The following ADAM19 variants were observed in gnomAD, a reference collection of about 807,000 sequenced individuals.
ADAM19 encodes ADAM metallopeptidase domain 19.
In ADAM19, 65 loss-of-function variants were observed where a neutral mutation model predicts 114.7. That is an observed-to-expected ratio of 0.57 (90% CI 0.46 to 0.70). The LOEUF (loss-of-function observed/expected upper bound fraction) is 0.70. Among genes scored for constraint, ADAM19 ranks in the 30% least tolerant of loss-of-function variants. ADAM19 has a pLI of 0.00. For synonymous variants in ADAM19, 466 were observed against 460.5 expected (o/e 1.01, Z -0.15); for missense variants, 1,063 against 1,204.7 (o/e 0.88, Z 1.74).
intron 21 of ADAM19, among the ~76,000 whole-genome samples, chr5:157,482,367 G>A (rs1754783059): frequency 6.6e-6 from 1 of 152,178 alleles, no homozygotes; most frequent in Non-Finnish European, 1.5e-5. Flanking sequence ...TGTTCACTCT[G>A]ATGATAGTTT....
chr5:157,554,804 T>C (rs1325111933), intron 3 of ADAM19, among the ~76,000 whole-genome samples: 1 of 152,192 alleles, frequency 6.6e-6, no homozygotes, highest in Non-Finnish European at 1.5e-5. Flanking sequence ...TCCTATGAGG[T>C]TATTATCCCC....
chr5:157,500,014 A>G (rs1755508424), intron 12 of ADAM19, among the ~76,000 whole-genome samples: 1 of 151,740 alleles, frequency 6.6e-6, no homozygotes, highest in African/African-American at 2.4e-5. Context: ...TCTGACCTCA[A>G]GTGATCCACC....
chr5:157,541,440 C>T (rs1756915053), intron 3 of ADAM19, among the ~76,000 whole-genome samples: 1 of 152,180 alleles, frequency 6.6e-6, no homozygotes, highest in Admixed American at 6.5e-5. Context: ...CACGGACAGG[C>T]AGAAATCAGT....
intron 3 of ADAM19, among the ~76,000 whole-genome samples, chr5:157,550,064 G>T (rs1757146835): frequency 6.6e-6 from 1 of 152,172 alleles, no homozygotes; most frequent in South Asian, 2.1e-4. Flanking sequence ...ACATCAGATT[G>T]CCAGCTTCAT....
At chr5:157,549,938 T>C (rs1471555469) in intron 3 of ADAM19, among the ~76,000 whole-genome samples, 1 of 152,212 alleles carries the variant, frequency 6.6e-6, no homozygotes, top group Non-Finnish European at 1.5e-5. Flanking sequence ...TACTGATACA[T>C]ACTACAACAC....
chr5:157,540,256 A>C (rs1756881582), intron 3 of ADAM19, among the ~76,000 whole-genome samples: 2 of 152,196 alleles, frequency 1.3e-5, no homozygotes, highest in African/African-American at 4.8e-5. Flanking sequence ...TCTCCAGTAC[A>C]TCACTTAAGA....
chr5:157,491,373 C>A (rs11466793), intron 18 of ADAM19, among the ~76,000 whole-genome samples: 3,209 of 152,360 alleles, frequency 0.021, 119 homozygotes, highest in African/African-American at 0.072. Flanking sequence ...CTTACTCTCA[C>A]TCTACTAAGC....
intron 13 of ADAM19, among the ~76,000 whole-genome samples, chr5:157,498,769 C>T (rs1755453001): frequency 6.6e-6 from 1 of 150,944 alleles, no homozygotes; most frequent in African/African-American, 2.4e-5. Flanking sequence ...TTACATAACC[C>T]CCCAGCAAGG....
intron 3 of ADAM19, among the ~76,000 whole-genome samples, chr5:157,561,729 C>T (rs1202291085): frequency 6.6e-6 from 1 of 152,106 alleles, no homozygotes; most frequent in East Asian, 1.9e-4. Context: ...CCCATTCTAC[C>T]TCCACACTCC....
rs1052372829 is a variant in ADAM19 at position 157,477,635 on chromosome 5, G to T, written c.*3314C>A. 7.8e-7 allele frequency: 1 copy of T among 1,287,252 alleles called. No homozygotes were observed. The highest frequency in any genetic ancestry group is 1.5e-5 in the African/African-American group (1 of 65,748). The allele number at this position is 1,287,252 out of a possible 1,614,324, so 79.7% of individuals were successfully genotyped here. On this transcript the variant is annotated 3_prime_UTR_variant, in exon 23 of 23. Transcript: ENST00000257527. ...GACCTTTCCAGTTGGCGTTCCCATG[G>T]CTTTCTTGGGTGTCCAGCAGAGCTG...
At chr5:157,570,193 G>A (rs189469051) in intron 2 of ADAM19, among the ~76,000 whole-genome samples, 7 of 152,300 alleles carry the variant, frequency 4.6e-5, no homozygotes, top group African/African-American at 1.7e-4. Context: ...CTGCCAGGCG[G>A]AGCTCACAGT....
In ADAM19 at chr5:157,537,959, T is replaced by A; in HGVS notation, c.284A>T (p.His95Leu). The A allele has an allele frequency of 6.2e-7, 1 of 1,614,114 alleles. No individual in the cohort carries two copies. Among genetic ancestry groups the A allele is most frequent in the South Asian group, 1.1e-5 (1 of 91,080 alleles). The change falls in exon 4 of 23, where the codon CAT (histidine) becomes CTT (leucine). Residue 95 changes from histidine (H) to leucine (L), a missense_variant. His to Leu is a moderately conservative substitution (Grantham distance 99). This residue lies in a region of ADAM19 where 615 missense variants were observed against 706.3 expected (regional missense o/e 0.87). Transcript: ENST00000257527. ...QLFAPSYTET[H>L]YTSSGNPQTT... ...TTGAGGGTTACCACTTGAAGTATAA[T>A]GGGTTTCTGTGTAGGAAGGAGCAAA...
chr5:157,502,252 C>G (rs1167638892), intron 12 of ADAM19, among the ~76,000 whole-genome samples: 1 of 152,194 alleles, frequency 6.6e-6, no homozygotes, highest in Non-Finnish European at 1.5e-5. Context: ...TGACCGGGCT[C>G]TGCCGTGTAC....
chr5:157,524,354 C>T (rs184687129), intron 5 of ADAM19, among the ~76,000 whole-genome samples: 2 of 152,208 alleles, frequency 1.3e-5, no homozygotes, highest in African/African-American at 2.4e-5. Flanking sequence ...TATTGCTCAT[C>T]GTTAAGAGAT....
intron 1 of ADAM19, among the ~76,000 whole-genome samples, chr5:157,572,716 G>C (rs1040855851): frequency 6.6e-6 from 1 of 152,190 alleles, no homozygotes; most frequent in Admixed American, 6.5e-5. Context: ...CAAGTACTAT[G>C]CTATGAATAG....
chr5:157,572,735 T>C (rs1403432786), intron 1 of ADAM19, among the ~76,000 whole-genome samples: 2 of 152,208 alleles, frequency 1.3e-5, no homozygotes, highest in African/African-American at 4.8e-5. Context: ...AGGTGCTTAA[T>C]ATTCATGGAG....
intron 3 of ADAM19, among the ~76,000 whole-genome samples, chr5:157,550,521 C>T (rs1757163498): frequency 6.6e-6 from 1 of 152,170 alleles, no homozygotes. Context: ...CCATTCAACT[C>T]ATAACACTGC....
At chr5:157,518,781 A>C (rs756760887) in intron 7 of ADAM19, 42 bp downstream of exon 7, 1 of 1,478,524 alleles carries the variant, frequency 6.8e-7, no homozygotes, top group Admixed American at 1.7e-5. Context: ...GGAAGCTATC[A>C]AGAGAGCAGT....
At position 157,489,148 on chromosome 5, in the gene ADAM19, T is replaced by A; in HGVS notation, c.2279A>T (p.His760Leu). 6.2e-7 allele frequency: 1 copy of A among 1,614,158 alleles called. No individual in the cohort carries two copies. Among genetic ancestry groups the A allele is most frequent in the Non-Finnish European group, 8.5e-7 (1 of 1,180,002 alleles). The change falls in exon 20 of 23, where the codon CAT becomes CTT. Residue 760 changes from histidine to leucine, a missense_variant. His to Leu is a moderately conservative substitution (Grantham distance 99). This residue lies in a region of ADAM19 where 424 missense variants were observed against 445.5 expected (regional missense o/e 0.95). Transcript: ENST00000257527. ...CTGCAGCTTGAAAGTTGGGTTGGCA[T>A]GACCAGTCCCGCTGTTCTGAGAAAC... ...FRVSQNSGTG[H>L]ANPTFKLQTP... is the part of the protein sequence containing the mutation.
Sources: allele counts gnomAD v4.1 joint callset (sites outside exome capture counted in the v4.1 genomes callset), GRCh38; gene constraint gnomAD v4.1.1; regional missense constraint gnomAD v4.1.1; transcripts MANE v1.5; gene names NCBI Gene and HGNC (gene_info 2026-07-23, HGNC 2026-07-21).